CNTNAP2: variants seen among roughly 807,000 people sequenced by gnomAD.
CNTNAP2 encodes the protein contactin associated protein 2.
In CNTNAP2, 98 loss-of-function variants were observed where a neutral mutation model predicts 155.2. The ratio of observed to expected loss-of-function variants is 0.63; its 90% CI spans 0.54 to 0.75. The LOEUF is 0.75. Ranked by LOEUF, CNTNAP2 falls within the 30% of genes least tolerant of loss-of-function variation. The pLI is 0.00. For missense variants in CNTNAP2, 1,727 were observed against 1,688.1 expected (o/e 1.02, Z -0.40); for synonymous variants, 651 against 631.2 (o/e 1.03, Z -0.47).
chr7:148,098,181 C>T (rs914774135), intron 15 of CNTNAP2, among the ~76,000 whole-genome samples: 1 of 151,952 alleles, frequency 6.6e-6, no homozygotes. Context: ...CGCAGTGGCT[C>T]ACGCCTGTAG....
intron 9 of CNTNAP2, among the ~76,000 whole-genome samples, chr7:147,302,362 A>T (rs1479385294): frequency 6.6e-6 from 1 of 152,212 alleles, no homozygotes; most frequent in Non-Finnish European, 1.5e-5. Flanking sequence ...CATTCATGGC[A>T]TAGAGTTTAT....
intron 11 of CNTNAP2, among the ~76,000 whole-genome samples, chr7:147,527,150 GT>G (rs1211264090): frequency 6.7e-6 from 1 of 148,300 alleles, no homozygotes; most frequent in Non-Finnish European, 1.5e-5. Flanking sequence ...AGCCTCCCAA[GT>G]AGCTGGGACT....
chr7:148,038,399 A>G (rs1438713898), intron 15 of CNTNAP2, among the ~76,000 whole-genome samples: 1 of 152,146 alleles, frequency 6.6e-6, no homozygotes, highest in Non-Finnish European at 1.5e-5. Flanking sequence ...AGTATCTATG[A>G]TCCTAGGAAA....
chr7:146,221,250 A>G (rs999858707), intron 1 of CNTNAP2, among the ~76,000 whole-genome samples: 6 of 152,204 alleles, frequency 3.9e-5, no homozygotes, highest in African/African-American at 1.4e-4. Context: ...ACATGATTCA[A>G]TAACTGCAAC....
intron 1 of CNTNAP2, among the ~76,000 whole-genome samples, chr7:146,610,257 G>A (rs1426646633): frequency 6.6e-6 from 1 of 152,166 alleles, no homozygotes; most frequent in Non-Finnish European, 1.5e-5. Context: ...CGTCTCCTAG[G>A]AGAGAGCAGA....
chr7:146,579,749 T>A (rs1798582079), intron 1 of CNTNAP2, among the ~76,000 whole-genome samples: 2 of 152,128 alleles, frequency 1.3e-5, no homozygotes, highest in Non-Finnish European at 2.9e-5. Context: ...CAACCAAAAA[T>A]ACAAACGACA....
intron 1 of CNTNAP2, among the ~76,000 whole-genome samples, chr7:146,328,970 A>G (rs1446004169): frequency 6.6e-6 from 1 of 152,236 alleles, no homozygotes; most frequent in Non-Finnish European, 1.5e-5. Context: ...TTTGGCTATC[A>G]TGAATAAATG....
rs139873141 is a variant in CNTNAP2 at position 148,129,957 on chromosome 7, A to G, written c.2554+11669A>G. On this transcript the variant is annotated intron_variant, in intron 16 of 23. Coordinates refer to ENST00000361727, the MANE Select transcript of CNTNAP2 (RefSeq NM_014141.6). The stretch of plus-strand genomic sequence containing the variant: ...AAACACATCTGCTTCCAGTAATTCC[A>G]GTCAGCATATATGCTTTCACCAAAC... Among the ~76,000 whole-genome samples, 53 of 152,354 alleles carry G rather than the reference A, an allele frequency of 3.5e-4. No homozygotes were observed. The East Asian group carries it at 9.6e-3, about 28-fold the overall frequency.
intron 1 of CNTNAP2, among the ~76,000 whole-genome samples, chr7:146,173,053 T>C (rs1798417574): frequency 6.6e-6 from 1 of 152,290 alleles, no homozygotes; most frequent in Non-Finnish European, 1.5e-5. Context: ...AATATTGATA[T>C]AATCCTATCT....
rs1434379065 is a variant in CNTNAP2, at chr7:147,813,159, A to G, written c.2099-90406A>G. Among the ~76,000 whole-genome samples the G allele has an allele frequency of 2.6e-5, 4 of 151,854 alleles. No individual in the cohort carries two copies. In the South Asian group the frequency reaches 8.3e-4, roughly 31 times the overall value. Reference sequence around the variant, plus strand: ...GCAAGTTCAGATGGGAGATGGACTCATAGCTTATACTATGTCGAAATGCAT... The same window carrying G: ...GCAAGTTCAGATGGGAGATGGACTCGTAGCTTATACTATGTCGAAATGCAT... On this transcript the variant is annotated intron_variant, in intron 13 of 23. Coordinates refer to ENST00000361727, the MANE Select transcript of CNTNAP2 (RefSeq NM_014141.6).
At chr7:147,075,679 C>T (rs944550690) in intron 4 of CNTNAP2, among the ~76,000 whole-genome samples, 9 of 151,646 alleles carry the variant, frequency 5.9e-5, no homozygotes, top group South Asian at 2.1e-4. Context: ...ATGTGTACAA[C>T]GTGCAGGTTT....
At chr7:148,081,983 A>T (rs951283554) in intron 15 of CNTNAP2, among the ~76,000 whole-genome samples, 2 of 151,962 alleles carry the variant, frequency 1.3e-5, no homozygotes, top group Admixed American at 6.6e-5. Context: ...TTAATTTTTT[A>T]AATGTTTTAT....
chr7:147,697,686 G>A (rs767085618), intron 13 of CNTNAP2, among the ~76,000 whole-genome samples: 1 of 152,148 alleles, frequency 6.6e-6, no homozygotes, highest in Non-Finnish European at 1.5e-5. Flanking sequence ...AGGGTGACTG[G>A]AGGAGACCAC....
intron 2 of CNTNAP2, among the ~76,000 whole-genome samples, chr7:146,833,497 C>T (rs1006963033): frequency 3.9e-5 from 6 of 152,128 alleles, no homozygotes; most frequent in Middle Eastern, 3.2e-3. Flanking sequence ...ATTACTCGCC[C>T]GATGCCTGTG....
intron 15 of CNTNAP2, among the ~76,000 whole-genome samples, chr7:148,087,638 A>G (rs78557558): frequency 0.019 from 2,962 of 152,208 alleles, 93 homozygotes; most frequent in African/African-American, 0.068. Flanking sequence ...TCTTAAAAAC[A>G]TATTTGTTTT....
At chr7:147,566,757 A>G (rs1402993948) in intron 12 of CNTNAP2, among the ~76,000 whole-genome samples, 1 of 152,202 alleles carries the variant, frequency 6.6e-6, no homozygotes, top group African/African-American at 2.4e-5. Context: ...ACAATTCAAG[A>G]TGAGATTCGG....
chr7:146,999,061 C>T (rs1798372617), intron 3 of CNTNAP2, among the ~76,000 whole-genome samples: 1 of 151,672 alleles, frequency 6.6e-6, no homozygotes, highest in African/African-American at 2.4e-5. Flanking sequence ...ATTCATTCTT[C>T]CTTTCTTTCT....
At chr7:147,044,309 A>T (rs1799316483) in intron 4 of CNTNAP2, among the ~76,000 whole-genome samples, 1 of 152,104 alleles carries the variant, frequency 6.6e-6, no homozygotes, top group Non-Finnish European at 1.5e-5. Context: ...TTTAGGTTGA[A>T]GATTTGGAAA....
intron 3 of CNTNAP2, among the ~76,000 whole-genome samples, chr7:146,913,589 A>G (rs1562999420): frequency 6.6e-6 from 1 of 152,020 alleles, no homozygotes; most frequent in Non-Finnish European, 1.5e-5. Flanking sequence ...ACTTCTTGTT[A>G]TATCCTCACA....
Sources: allele counts gnomAD v4.1 joint callset (sites outside exome capture counted in the v4.1 genomes callset), GRCh38; gene constraint gnomAD v4.1.1; transcripts MANE v1.5; gene names NCBI Gene and HGNC (gene_info 2026-07-23, HGNC 2026-07-21).